Variants in MYO10 observed in about 807,000 individuals in gnomAD.
MYO10 encodes unconventional myosin-X.
MYO10 carries 133 observed loss-of-function variants against 257.3 expected under a neutral mutation model. The ratio of observed to expected loss-of-function variants is 0.52; its 90% CI spans 0.45 to 0.60. The LOEUF (loss-of-function observed/expected upper bound fraction) is 0.60, where lower values mean the gene tolerates loss of function less well. Ranked by LOEUF, MYO10 falls within the 20% of genes least tolerant of loss-of-function variation. MYO10 has a pLI of 0.00. For synonymous variants in MYO10, 1,104 were observed against 1,028.6 expected (o/e 1.07, Z -1.40); for missense variants, 2,399 against 2,635.7 (o/e 0.91, Z 1.97).
At chr5:16,787,609 T>TA (rs70940401) in intron 4 of MYO10, among the ~76,000 whole-genome samples, 47 of 124,960 alleles carry the variant, frequency 3.8e-4, no homozygotes, top group East Asian at 3.5e-3. Context: ...TGTTTTGCTT[T>TA]AAAAAAAAAA....
Position 16,865,437 on chromosome 5 carries a change from T to C in MYO10, c.120+12172A>G, listed in dbSNP as rs1744216332. On this transcript the variant is annotated intron_variant, in intron 2 of 40. Coordinates refer to ENST00000513610, the MANE Select transcript of MYO10 (RefSeq NM_012334.3). ...GAGTCTCAACAAATCTTTCTTGACG[T>C]TGTCTATTTCTTAAGAAAAGATACA... 5.9e-5 allele frequency among the ~76,000 whole-genome samples: 9 copies of C among 152,320 alleles called. No individual in the cohort carries two copies. The South Asian group carries it at 1.9e-3, about 32-fold the overall frequency.
intron 28 of MYO10, among the ~76,000 whole-genome samples, chr5:16,687,961 A>G (rs982389640): frequency 2.6e-5 from 4 of 152,248 alleles, no homozygotes; most frequent in African/African-American, 4.8e-5. Context: ...TGAATCAAGT[A>G]TAACTTGGAA....
chr5:16,807,307 T>A (rs1742306546), intron 3 of MYO10, among the ~76,000 whole-genome samples: 1 of 152,158 alleles, frequency 6.6e-6, no homozygotes, highest in African/African-American at 2.4e-5. Flanking sequence ...TCACACATAG[T>A]GACAACTTGA....
chr5:16,920,755 G>C (rs1745957738), intron 1 of MYO10, among the ~76,000 whole-genome samples: 1 of 152,250 alleles, frequency 6.6e-6, no homozygotes, highest in South Asian at 2.1e-4. Context: ...CCAGGGAATG[G>C]CAGGTACACA....
At chr5:16,841,393 C>A (rs1296849646) in intron 2 of MYO10, among the ~76,000 whole-genome samples, 1 of 152,164 alleles carries the variant, frequency 6.6e-6, no homozygotes, top group African/African-American at 2.4e-5. Flanking sequence ...ACACAAACAA[C>A]TGTGTTAAGC....
intron 1 of MYO10, among the ~76,000 whole-genome samples, chr5:16,895,753 AACACACACACACACACACACACACAC>A (rs57628919): frequency 0.018 from 2,411 of 131,734 alleles, 40 homozygotes; most frequent in Middle Eastern, 0.045. Context: ...CCAACACCAC[AACACACACACACACACACACACACAC>A]ACACACACAC....
intron 1 of MYO10, among the ~76,000 whole-genome samples, chr5:16,881,226 T>A (rs1479872736): frequency 6.6e-6 from 1 of 152,216 alleles, no homozygotes; most frequent in Non-Finnish European, 1.5e-5. Context: ...AAATTGAGAT[T>A]ATGCAACATT....
chr5:16,671,341 A>G lies in MYO10; in HGVS notation c.5430+81T>C, dbSNP rs571691296. 69 of 1,505,036 alleles carry G rather than the reference A, an allele frequency of 4.6e-5. No individual in the cohort carries two copies. In the African/African-American group the frequency reaches 7.3e-4, roughly 16 times the overall value. The allele number at this position is 1,505,036 out of a possible 1,614,324, so 93.2% of individuals were successfully genotyped here. A position where few individuals can be genotyped will look rare whatever the true frequency, so the allele number is the denominator to read the frequency against. ...CAGGTGTGCCTCATTTCTAAGTACC[A>G]GTTAACTTACAAGGCTAAGTATTAA... On this transcript the variant is annotated intron_variant, in intron 38 of 40. Transcript: ENST00000513610.
chr5:16,905,130 G>A (rs941128362), intron 1 of MYO10, among the ~76,000 whole-genome samples: 3 of 152,174 alleles, frequency 2.0e-5, no homozygotes, highest in South Asian at 2.1e-4. Context: ...AATCTCGCTT[G>A]ATGCGGAGGG....
chr5:16,694,229 GTAA>G, intron 27 of MYO10, 139 bp downstream of exon 27: 6 of 1,278,262 alleles, frequency 4.7e-6, no homozygotes, highest in Non-Finnish European at 6.5e-6. Context: ...CAGTTTCCTA[GTAA>G]TTTAACCTAC....
chr5:16,909,533 C>T (rs1745604654), intron 1 of MYO10, among the ~76,000 whole-genome samples: 1 of 150,602 alleles, frequency 6.6e-6, no homozygotes, highest in South Asian at 2.1e-4. Flanking sequence ...ACCATCAGAC[C>T]TTGTGAGACT....
In MYO10 at chr5:16,814,166, G is replaced by A. The variant is rs528922656; in HGVS notation, c.279+3843C>T. Among the ~76,000 whole-genome samples the A allele has an allele frequency of 2.5e-4, 38 of 152,228 alleles. No homozygotes were observed. In the South Asian group the frequency reaches 6.8e-3, roughly 27 times the overall value. On this transcript the variant is annotated intron_variant, in intron 3 of 40. Coordinates refer to ENST00000513610, the MANE Select transcript of MYO10 (RefSeq NM_012334.3). ...TCATTTATTTATTTTTTCCTGAGAC[G>A]GAGTCTCGCTCTGTCACCCAGGCTG...
chr5:16,673,973 G>A, intron 35 of MYO10, 84 bp from the exon 36 acceptor site: 1 of 1,238,382 alleles, frequency 8.1e-7, no homozygotes, highest in Non-Finnish European at 1.2e-6. Flanking sequence ...AGGTTCTGTA[G>A]ACCAAAGCAG....
At chr5:16,762,462 A>T in intron 15 of MYO10, 83 bp downstream of exon 15, 1 of 1,097,126 alleles carries the variant, frequency 9.1e-7, no homozygotes. Context: ...CAGTTGGGCC[A>T]GCGGACTGAC....
rs1043229364 is a variant in MYO10 at position 16,666,850 on chromosome 5, C to T, written c.6076-57G>A. 11 of 1,384,604 alleles carry T rather than the reference C, an allele frequency of 7.9e-6. No individual in the cohort carries two copies. The African/African-American group carries it at 1.0e-4, about 13-fold the overall frequency. 85.8% of individuals were successfully genotyped at this position (1,384,604 alleles called of 1,614,324 possible). A position where few individuals can be genotyped will look rare whatever the true frequency, so the allele number is the denominator to read the frequency against. On this transcript the variant is annotated intron_variant, in intron 40 of 40. Coordinates refer to ENST00000513610, the MANE Select transcript of MYO10 (RefSeq NM_012334.3). ...TCACAAGTCTCCCCCAGGCAAAGGG[C>T]CCTGCCTAATAATCCAGACATTCCC... is the stretch of plus-strand genomic sequence containing the variant.
intron 1 of MYO10, among the ~76,000 whole-genome samples, chr5:16,917,796 G>T (rs780698988): frequency 6.6e-6 from 1 of 152,082 alleles, no homozygotes; most frequent in Non-Finnish European, 1.5e-5. Context: ...AATCTCTTGA[G>T]CCCAGGAGGT....
intron 2 of MYO10, among the ~76,000 whole-genome samples, chr5:16,863,988 C>G (rs1202414191): frequency 6.6e-6 from 1 of 152,142 alleles, no homozygotes; most frequent in Non-Finnish European, 1.5e-5. Context: ...GTCCCAGCTA[C>G]TTGGCAGACT....
At chr5:16,762,759 T>C in intron 14 of MYO10, 122 bp from the exon 15 acceptor site, 1 of 657,460 alleles carries the variant, frequency 1.5e-6, no homozygotes, top group Non-Finnish European at 2.6e-6. Context: ...AGGTCAGGAG[T>C]TCCAGACCAG....
At chr5:16,793,811 A>G (rs1741844306) in intron 4 of MYO10, among the ~76,000 whole-genome samples, 2 of 151,914 alleles carry the variant, frequency 1.3e-5, no homozygotes, top group East Asian at 2.0e-4. Context: ...CATGCCTGTA[A>G]TCCCAGCTAC....
Sources: gnomAD v4.1 joint callset for allele counts (sites outside exome capture counted in the v4.1 genomes callset) on GRCh38, gnomAD v4.1.1 for gene constraint, MANE v1.5 for transcripts, NCBI Gene and HGNC (gene_info 2026-07-23, HGNC 2026-07-21) for gene names.